The following DGCR2 variants were observed in gnomAD, a reference collection of about 807,000 sequenced individuals.
DGCR2 encodes DiGeorge syndrome critical region gene 2.
In DGCR2, 24 loss-of-function variants were observed where a neutral mutation model predicts 51.6. The observed-to-expected ratio is 0.47, with a 90% CI of 0.34 to 0.65. The LOEUF (loss-of-function observed/expected upper bound fraction) is 0.65, where lower values mean the gene tolerates loss of function less well. DGCR2 is among the 30% of genes least tolerant of loss of function. The pLI, the probability that DGCR2 is intolerant of heterozygous loss-of-function variation, is 0.01. For missense variants in DGCR2, 765 were observed against 772.1 expected, an observed-to-expected ratio of 0.99 and a Z score of 0.11; for synonymous variants, 340 against 315.4, an observed-to-expected ratio of 1.08 and a Z score of -0.82.
At chr22:19,070,344 T>C (rs922273029) in intron 2 of DGCR2, among the ~76,000 whole-genome samples, 6 of 152,170 alleles carry the variant, frequency 3.9e-5, no homozygotes, top group Non-Finnish European at 8.8e-5. Context: ...GGCAGACATA[T>C]CCGGGATAAA....
At chr22:19,102,730 G>C (rs1259670496) in intron 1 of DGCR2, among the ~76,000 whole-genome samples, 1 of 152,154 alleles carries the variant, frequency 6.6e-6, no homozygotes, top group Non-Finnish European at 1.5e-5. Context: ...ATGGGGCTGG[G>C]CATGGTGGCT....
intron 2 of DGCR2, among the ~76,000 whole-genome samples, chr22:19,085,139 GA>G (rs1388284610): frequency 6.6e-6 from 1 of 151,792 alleles, no homozygotes; most frequent in East Asian, 1.9e-4. Context: ...GTTCCACTGG[GA>G]AAACAGAAAC....
At chr22:19,121,365 T>C (rs1220549867) in intron 1 of DGCR2, among the ~76,000 whole-genome samples, 9 of 152,214 alleles carry the variant, frequency 5.9e-5, no homozygotes, top group Admixed American at 5.9e-4. Flanking sequence ...GATACCAGGA[T>C]TCCTGTGCCT....
chr22:19,108,785 G>A (rs939451141), intron 1 of DGCR2, among the ~76,000 whole-genome samples: 6 of 151,688 alleles, frequency 4.0e-5, no homozygotes, highest in African/African-American at 1.2e-4. Flanking sequence ...ACTTTGGGAG[G>A]CGGAGGTGGG....
chr22:19,092,047 TAAAG>T (rs2083084624), intron 1 of DGCR2, among the ~76,000 whole-genome samples: 1 of 151,280 alleles, frequency 6.6e-6, no homozygotes, highest in Non-Finnish European at 1.5e-5. Flanking sequence ...CAAAAAAAAA[TAAAG>T]AATACAAAAT....
At chr22:19,051,792 G>A (rs945153234) in intron 6 of DGCR2, among the ~76,000 whole-genome samples, 3 of 152,202 alleles carry the variant, frequency 2.0e-5, no homozygotes, top group African/African-American at 7.2e-5. Flanking sequence ...AGAATATACA[G>A]ATGGCAAATA....
chr22:19,081,938 A>G (rs2082940371), intron 2 of DGCR2, among the ~76,000 whole-genome samples: 1 of 152,208 alleles, frequency 6.6e-6, no homozygotes, highest in African/African-American at 2.4e-5. Context: ...AATGCTTTAT[A>G]GGAGTTCTTT....
chr22:19,059,066 C>T (rs1046137205), intron 5 of DGCR2, among the ~76,000 whole-genome samples: 2 of 152,236 alleles, frequency 1.3e-5, no homozygotes, highest in Non-Finnish European at 2.9e-5. Context: ...GTCACAGTGG[C>T]AGCCATGAAC....
Position 19,038,984 on chromosome 22 carries a change from C to T in DGCR2, c.1534G>A (p.Asp512Asn), listed in dbSNP as rs781360920. 5.6e-6 allele frequency: 9 copies of T among 1,611,586 alleles called. No individual in the cohort carries two copies. The highest frequency in any genetic ancestry group is 1.7e-5 in the Admixed American group (1 of 59,820). Residue 512 changes from aspartate (D) to asparagine (N), a missense_variant, in exon 10 of 10, where the codon GAC becomes AAC. Transcript: ENST00000263196. ...GGCACGAGCAGGGCGCTGCTGCTGT[C>T]GGCAGAGTCTTCCAGGTCTGCCAGA... ...ASLADLEDSA[D>N]SSSALLVPPD...
At chr22:19,095,390 G>A (rs1298575156) in intron 1 of DGCR2, among the ~76,000 whole-genome samples, 2 of 150,690 alleles carry the variant, frequency 1.3e-5, no homozygotes, top group African/African-American at 2.4e-5. Flanking sequence ...GGCCAGGCGC[G>A]GTGGCTCACA....
intron 7 of DGCR2, among the ~76,000 whole-genome samples, chr22:19,044,065 T>C (rs573217192): frequency 6.6e-6 from 1 of 152,162 alleles, no homozygotes; most frequent in African/African-American, 2.4e-5. Context: ...GGGGAGCTCC[T>C]AAGAAAGCAG....
chr22:19,111,085 C>A (rs2083309291), intron 1 of DGCR2, among the ~76,000 whole-genome samples: 1 of 152,096 alleles, frequency 6.6e-6, no homozygotes, highest in Non-Finnish European at 1.5e-5. Flanking sequence ...GTAATACATC[C>A]ACACGGTTGA....
At chr22:19,056,797 T>G (rs893879730) in intron 6 of DGCR2, among the ~76,000 whole-genome samples, 189 bp downstream of exon 6, 1 of 152,054 alleles carries the variant, frequency 6.6e-6, no homozygotes, top group African/African-American at 2.4e-5. Flanking sequence ...CCGTGGGCTC[T>G]AAGATGCTGA....
intron 1 of DGCR2, among the ~76,000 whole-genome samples, chr22:19,103,523 C>T (rs1360929734): frequency 7.0e-6 from 1 of 142,662 alleles, no homozygotes; most frequent in African/African-American, 2.6e-5. Context: ...CTCCGCCTCC[C>T]GGGTTCATGC....
intron 7 of DGCR2, among the ~76,000 whole-genome samples, chr22:19,044,211 G>A (rs1207070923): frequency 1.3e-5 from 2 of 152,218 alleles, no homozygotes; most frequent in Admixed American, 1.3e-4. Flanking sequence ...CAAGCACAAA[G>A]AAGAGAGCCT....
intron 5 of DGCR2, among the ~76,000 whole-genome samples, chr22:19,062,317 G>A (rs2082672761): frequency 6.6e-6 from 1 of 152,164 alleles, no homozygotes; most frequent in South Asian, 2.1e-4. Context: ...CCCCACCTCT[G>A]CTCCTGCCCT....
Position 19,048,641 on chromosome 22 carries a change from G to T in DGCR2, c.805C>A (p.Gln269Lys). The T allele has an allele frequency of 6.2e-7, 1 of 1,614,166 alleles. No individual in the cohort carries two copies. The stretch of plus-strand genomic sequence containing the variant: ...TTGTCCTTGATGTCAACACATGTTT[G>T]ACCTGCAATGAGCATACATTGTGTA... ...EKSSFLCKRSQTCVDIKDNVV... is the reference protein window; with the variant it reads ...EKSSFLCKRSKTCVDIKDNVV... The change falls in exon 7 of 10, where the codon CAA (glutamine) becomes AAA (lysine). Residue 269 changes from glutamine (Q) to lysine (K), a missense_variant and splice_region_variant. This residue lies in a region of DGCR2 where 190 missense variants were observed against 265.2 expected (regional missense o/e 0.72). Coordinates refer to ENST00000263196, the MANE Select transcript of DGCR2 (RefSeq NM_005137.3).
At position 19,064,956 on chromosome 22, in the gene DGCR2, C is replaced by A. The variant is rs760500814; in HGVS notation, c.440G>T (p.Arg147Leu). The A allele has an allele frequency of 3.7e-6, 6 of 1,613,886 alleles. No individual in the cohort carries two copies. The African/African-American group carries it at 5.3e-5, about 14-fold the overall frequency. ...NYWDAAQTCQ[R>L]LNGSLATFST... The stretch of plus-strand genomic sequence containing the variant: ...GAAGGTGGCGAGAGAGCCATTCAGG[C>A]GCTGGCAGGTCTGCGCGGCATCCCA... Residue 147 changes from arginine (R) to leucine (L), a missense_variant, in exon 4 of 10, where the codon CGC becomes CTC. Physicochemically the swap from Arg to Leu is moderately radical, Grantham distance 102 (BLOSUM62 -2). Around this residue, in one of 3 missense-constraint regions of DGCR2, gnomAD observed 370 missense variants for 325.5 expected, o/e 1.14. Transcript: ENST00000263196.
chr22:19,059,009 C>T (rs760705587), intron 5 of DGCR2, among the ~76,000 whole-genome samples: 30 of 152,340 alleles, frequency 2.0e-4, no homozygotes, highest in Admixed American at 1.3e-3. Context: ...CGAGGTGCAG[C>T]CTTGCAGAGC....
Sources: gnomAD v4.1 joint callset for allele counts (sites outside exome capture counted in the v4.1 genomes callset) on GRCh38, gnomAD v4.1.1 for gene constraint, gnomAD v4.1.1 regional missense constraint, MANE v1.5 for transcripts, NCBI Gene and HGNC (gene_info 2026-07-23, HGNC 2026-07-21) for gene names.